Variants in LARS2 observed in about 807,000 individuals in gnomAD.
LARS2 encodes leucine--tRNA ligase, mitochondrial.
A neutral mutation model predicts 116.6 loss-of-function variants in LARS2; 81 were observed. That is an observed-to-expected ratio of 0.69 (90% CI 0.58 to 0.84). The LOEUF (loss-of-function observed/expected upper bound fraction) is 0.84. Ranked by LOEUF, LARS2 falls within the 40% of genes least tolerant of loss-of-function variation. The probability of loss-of-function intolerance (pLI) is 0.00; values close to 1 mark genes in which losing one functional copy is unlikely to be tolerated. For missense variants in LARS2, 968 were observed against 1,114.5 expected (o/e 0.87, Z 1.87); for synonymous variants, 396 against 407.2 (o/e 0.97, Z 0.33).
intron 7 of LARS2, among the ~76,000 whole-genome samples, chr3:45,447,540 T>A (rs1288062046): frequency 6.6e-6 from 1 of 151,770 alleles, no homozygotes; most frequent in African/African-American, 2.4e-5. Flanking sequence ...AAATTCTCTG[T>A]GTGTGTGTGT....
In LARS2 at chr3:45,512,443, A is replaced by G. The variant is rs920605548; in HGVS notation, c.1761-692A>G. Among the ~76,000 whole-genome samples, 4 of 152,238 alleles carry G rather than the reference A, an allele frequency of 2.6e-5. No individual in the cohort carries two copies. In the East Asian group the frequency reaches 5.8e-4, roughly 22 times the overall value. Reference sequence around the variant, plus strand: ...CTTATCCTCTTATGAGAAAAAGTTTATATGTCACTATTTACCCAGTAAGGG... The same window carrying G: ...CTTATCCTCTTATGAGAAAAAGTTTGTATGTCACTATTTACCCAGTAAGGG... On this transcript the variant is annotated intron_variant, in intron 15 of 21. Coordinates refer to ENST00000645846, the MANE Select transcript of LARS2 (RefSeq NM_015340.4).
At chr3:45,506,085 C>A (rs1463827253) in intron 15 of LARS2, among the ~76,000 whole-genome samples, 1 of 152,050 alleles carries the variant, frequency 6.6e-6, no homozygotes, top group Non-Finnish European at 1.5e-5. Flanking sequence ...TTGAAATAGA[C>A]CTATGGAGTT....
intron 13 of LARS2, among the ~76,000 whole-genome samples, chr3:45,494,085 G>A (rs1699968960): frequency 6.6e-6 from 1 of 152,194 alleles, no homozygotes; most frequent in African/African-American, 2.4e-5. Flanking sequence ...CTGGGTGGTA[G>A]GAAGCTGGGT....
intron 3 of LARS2, among the ~76,000 whole-genome samples, chr3:45,397,893 G>T (rs955551059): frequency 6.6e-5 from 10 of 152,284 alleles, no homozygotes; most frequent in African/African-American, 2.4e-4. Context: ...ACTTTCTTAA[G>T]GACAGTTATT....
rs547897084 is a variant in LARS2 at position 45,417,359 on chromosome 3, T to A, written c.364-123T>A. The A allele has an allele frequency of 1.3e-4, 95 of 756,878 alleles. No individual in the cohort carries two copies. In the African/African-American group the frequency reaches 1.5e-3, roughly 12 times the overall value. 46.9% of individuals were successfully genotyped at this position (756,878 alleles called of 1,614,324 possible). A position where few individuals can be genotyped will look rare whatever the true frequency, so the allele number is the denominator to read the frequency against. Reference sequence around the variant, plus strand: ...CCAGCTGGCTGTCAGATGCATAACCTGAAAACATCCAGCAAAAGATAAGGC... The same window carrying A: ...CCAGCTGGCTGTCAGATGCATAACCAGAAAACATCCAGCAAAAGATAAGGC... On this transcript the variant is annotated intron_variant, in intron 4 of 21. Transcript: ENST00000645846.
Position 45,505,393 on chromosome 3 carries a change from GAAAC to G in LARS2, c.1760+4816_1760+4819del, listed in dbSNP as rs539466218. On this transcript the variant is annotated intron_variant, in intron 15 of 21. Transcript: ENST00000645846. The stretch of plus-strand genomic sequence containing the variant: ...AAGTTAAAAACCAAATACAACTTGA[GAAAC>G]ATCTCAGGCCAGGCGTGGTGGTTCA... 4.7e-3 allele frequency among the ~76,000 whole-genome samples: 718 copies of G among 151,840 alleles called. 8 individuals are homozygous for G. The highest frequency in any genetic ancestry group is 8.4e-3 in the Admixed American group (128 of 15,228).
intron 14 of LARS2, among the ~76,000 whole-genome samples, chr3:45,497,770 G>A (rs950692073): frequency 2.6e-5 from 4 of 152,080 alleles, no homozygotes; most frequent in South Asian, 4.1e-4. Context: ...AGCTGGACAC[G>A]GTGGCACGCA....
At chr3:45,406,988 G>T (rs1575233409) in intron 4 of LARS2, among the ~76,000 whole-genome samples, 1 of 152,142 alleles carries the variant, frequency 6.6e-6, no homozygotes, top group Admixed American at 6.5e-5. Flanking sequence ...GCACCTTCTG[G>T]TCCAGAAGCC....
chr3:45,539,967 A>G (rs1700766123), intron 20 of LARS2, among the ~76,000 whole-genome samples: 1 of 152,204 alleles, frequency 6.6e-6, no homozygotes. Context: ...ATATTTTAAA[A>G]TAAGTTTAAA....
rs560474500 is a variant in LARS2, at chr3:45,476,137, A to G, written c.859-331A>G. Among the ~76,000 whole-genome samples the G allele has an allele frequency of 2.8e-4, 43 of 151,966 alleles. 1 individual carries two copies. The South Asian group carries it at 5.6e-3, about 20-fold the overall frequency. ...GCTTCTTTCTCAGAACACAAACACT[A>G]TAACACTAATAGTTATTTTTGATTT... On this transcript the variant is annotated intron_variant, in intron 9 of 21. Coordinates refer to ENST00000645846, the MANE Select transcript of LARS2 (RefSeq NM_015340.4).
intron 6 of LARS2, among the ~76,000 whole-genome samples, chr3:45,428,029 C>T (rs1156381534): frequency 6.6e-6 from 1 of 151,718 alleles, no homozygotes; most frequent in African/African-American, 2.4e-5. Flanking sequence ...CCATGTTGGC[C>T]AGGCTGGTCT....
intron 16 of LARS2, among the ~76,000 whole-genome samples, chr3:45,513,887 A>G (rs1700331110): frequency 6.6e-6 from 1 of 152,144 alleles, no homozygotes; most frequent in Non-Finnish European, 1.5e-5. Flanking sequence ...CACCCAGCAC[A>G]CACGTGGAAT....
chr3:45,521,130 C>G (rs1157832125), intron 19 of LARS2, among the ~76,000 whole-genome samples: 2 of 152,012 alleles, frequency 1.3e-5, no homozygotes, highest in Non-Finnish European at 2.9e-5. Context: ...CAGTGAAACC[C>G]CATCTCTACT....
intron 2 of LARS2, among the ~76,000 whole-genome samples, chr3:45,393,144 T>C (rs967307242): frequency 6.6e-6 from 1 of 152,240 alleles, no homozygotes; most frequent in Non-Finnish European, 1.5e-5. Flanking sequence ...GATATCCTGG[T>C]AGGCCCCAAC....
intron 2 of LARS2, among the ~76,000 whole-genome samples, chr3:45,391,862 G>A (rs964840315): frequency 6.6e-6 from 1 of 152,232 alleles, no homozygotes; most frequent in Non-Finnish European, 1.5e-5. Context: ...TTCTTGTTGT[G>A]TAGACAGACA....
At chr3:45,535,409 A>AGC (rs1282290282) in intron 20 of LARS2, among the ~76,000 whole-genome samples, 2 of 151,930 alleles carry the variant, frequency 1.3e-5, no homozygotes, top group African/African-American at 2.4e-5. Flanking sequence ...ATCACCAAAC[A>AGC]GCGAGCTCCT....
chr3:45,488,502 C>G lies in LARS2; in HGVS notation c.1124-195C>G, dbSNP rs115000040. Reference sequence around the variant, plus strand: ...AAGGAAGTAATACCAATATGGTAAACTAGTTGTGTTTTGGCAGTGGGTTTC... The same window carrying G: ...AAGGAAGTAATACCAATATGGTAAAGTAGTTGTGTTTTGGCAGTGGGTTTC... On this transcript the variant is annotated intron_variant, in intron 11 of 21. Coordinates refer to ENST00000645846, the MANE Select transcript of LARS2 (RefSeq NM_015340.4). 0.011 allele frequency among the ~76,000 whole-genome samples: 1,664 copies of G among 152,286 alleles called. 27 individuals carry two copies. The highest frequency in any genetic ancestry group is 0.038 in the African/African-American group (1,570 of 41,556).
chr3:45,474,984 A>G (rs1394066648), intron 9 of LARS2, among the ~76,000 whole-genome samples: 1 of 152,196 alleles, frequency 6.6e-6, no homozygotes, highest in Non-Finnish European at 1.5e-5. Context: ...CATAAGGCCC[A>G]CCTATTCTAG....
At chr3:45,449,672 AT>A (rs1233781317) in intron 7 of LARS2, among the ~76,000 whole-genome samples, 1 of 152,136 alleles carries the variant, frequency 6.6e-6, no homozygotes, top group Non-Finnish European at 1.5e-5. Flanking sequence ...TTGGATAGCT[AT>A]TTTCAAATTG....
Sources: allele counts gnomAD v4.1 joint callset (sites outside exome capture counted in the v4.1 genomes callset), GRCh38; gene constraint gnomAD v4.1.1; transcripts MANE v1.5; gene names NCBI Gene and HGNC (gene_info 2026-07-23, HGNC 2026-07-21).